The following PROSER2 variants were observed in gnomAD, a reference collection of about 807,000 sequenced individuals.
The protein encoded by PROSER2 is proline and serine-rich protein 2.
A neutral mutation model predicts 14.6 loss-of-function variants in PROSER2; 18 were observed. The observed-to-expected ratio is 1.23, with a 90% CI of 0.85 to 1.83. PROSER2 has a LOEUF of 1.83. Among genes scored for constraint, PROSER2 ranks in the 40% most tolerant of loss-of-function variants. The pLI is 0.00. For synonymous variants in PROSER2, 367 were observed against 286.4 expected, an observed-to-expected ratio of 1.28 and a Z score of -2.84; for missense variants, 823 against 629.8, an observed-to-expected ratio of 1.31 and a Z score of -3.28.
intron 1 of PROSER2, among the ~76,000 whole-genome samples, chr10:11,829,758 C>T (rs1833666200): frequency 6.6e-6 from 1 of 150,990 alleles, no homozygotes. Context: ...AGCAGTATCA[C>T]TTTAAGAATG....
intron 2 of PROSER2, among the ~76,000 whole-genome samples, chr10:11,860,500 C>T (rs572490451): frequency 1.4e-4 from 22 of 151,914 alleles, no homozygotes; most frequent in African/African-American, 5.1e-4. Context: ...CCTGTAATCC[C>T]AGCTACTCCG....
In PROSER2 at chr10:11,830,870, C is replaced by T. The variant is rs574391036; in HGVS notation, c.-82+7400C>T. On this transcript the variant is annotated intron_variant, in intron 1 of 3. Coordinates refer to ENST00000277570, the MANE Select transcript of PROSER2 (RefSeq NM_153256.4). The surrounding 1 kb of genome is among the most constrained non-coding windows in gnomAD (Gnocchi z 4.5). ...ACTTGAGGAATTTGCTAGCAGGTTC[C>T]CCAGAGGTATAGGAAGAGCGGGAGG... 6.6e-6 allele frequency among the ~76,000 whole-genome samples: 1 copy of T among 152,256 alleles called. No individual in the cohort carries two copies. Among genetic ancestry groups the T allele is most frequent in the Non-Finnish European group, 1.5e-5 (1 of 68,020 alleles).
At chr10:11,849,540 T>C (rs142633316) in intron 1 of PROSER2, 10 of 152,310 alleles carry the variant, frequency 6.6e-5, no homozygotes, top group African/African-American at 2.4e-4. Flanking sequence ...GGTAGGAAAA[T>C]AGTAAGCATC....
At chr10:11,860,970 G>GT (rs1162546446) in intron 2 of PROSER2, among the ~76,000 whole-genome samples, 2 of 152,284 alleles carry the variant, frequency 1.3e-5, no homozygotes, top group Admixed American at 6.5e-5. Context: ...ACCGGGCGTG[G>GT]TGGCGTGCAC....
chr10:11,846,015 C>G (rs1215520792), intron 1 of PROSER2, among the ~76,000 whole-genome samples: 1 of 152,152 alleles, frequency 6.6e-6, no homozygotes, highest in Non-Finnish European at 1.5e-5. Context: ...GAGATGGAGT[C>G]TCACTCTGTT....
chr10:11,868,615 AAG>A (rs1279224588), intron 3 of PROSER2, among the ~76,000 whole-genome samples: 1 of 151,550 alleles, frequency 6.6e-6, no homozygotes. Flanking sequence ...AGAACATAAA[AAG>A]ATATGAATTT....
In PROSER2 at chr10:11,870,508, G is replaced by A; in HGVS notation, c.*102G>A. The A allele has an allele frequency of 1.9e-6, 2 of 1,052,930 alleles. No homozygotes were observed. Among genetic ancestry groups the A allele is most frequent in the South Asian group, 2.0e-5 (1 of 48,974 alleles). 65.2% of individuals were successfully genotyped at this position (1,052,930 alleles called of 1,614,324 possible). ...TGTTTGGTCTAAAATGGAAGTGACA[G>A]CGGGAGCCCCTGCCCTCTGTGGCAC... On this transcript the variant is annotated 3_prime_UTR_variant, in exon 4 of 4. Coordinates refer to ENST00000277570, the MANE Select transcript of PROSER2 (RefSeq NM_153256.4).
chr10:11,849,032 C>T (rs1833971750), intron 1 of PROSER2, among the ~76,000 whole-genome samples: 1 of 152,006 alleles, frequency 6.6e-6, no homozygotes, highest in Non-Finnish European at 1.5e-5. Flanking sequence ...ACTAAAAATA[C>T]AAAAATTAGC....
At chr10:11,860,721 T>C (rs770982451) in intron 2 of PROSER2, among the ~76,000 whole-genome samples, 2 of 152,152 alleles carry the variant, frequency 1.3e-5, no homozygotes, top group Non-Finnish European at 2.9e-5. Context: ...GGATGAAATG[T>C]ATGAGGCCTG....
chr10:11,832,672 A>AT (rs1489275051), intron 1 of PROSER2, among the ~76,000 whole-genome samples: 1 of 152,198 alleles, frequency 6.6e-6, no homozygotes, highest in Non-Finnish European at 1.5e-5. Flanking sequence ...ATTGGATGAG[A>AT]TTAATTTCTC....
chr10:11,870,274 C>G lies in PROSER2; in HGVS notation c.1176C>G (p.Ala392=), dbSNP rs1367348412. The G allele has an allele frequency of 1.3e-6, 2 of 1,491,362 alleles. No homozygotes were observed. Among genetic ancestry groups the G allele is most frequent in the African/African-American group, 1.5e-5 (1 of 68,292 alleles). The allele number at this position is 1,491,362 out of a possible 1,614,324, so 92.4% of individuals were successfully genotyped here. Residue 392 remains alanine (A), a synonymous_variant, in exon 4 of 4, where the codon GCC becomes GCG. Transcript: ENST00000277570. ...SFPGPRQPNG[A]QDWRRADSLP... ...CCGGGCCCCGGCAGCCCAACGGCGC[C>G]CAGGACTGGCGCCGCGCAGACTCCC...
intron 1 of PROSER2, among the ~76,000 whole-genome samples, chr10:11,843,353 G>T (rs1833877330): frequency 6.7e-6 from 1 of 150,296 alleles, no homozygotes; most frequent in Non-Finnish European, 1.5e-5. Flanking sequence ...AGGAGTTCAA[G>T]ACCAGCCTGG....
intron 2 of PROSER2, among the ~76,000 whole-genome samples, chr10:11,854,641 T>C (rs2131074849): frequency 6.6e-6 from 1 of 150,608 alleles, no homozygotes; most frequent in East Asian, 1.9e-4. Flanking sequence ...TTTTGCAACC[T>C]CTGCCTCCTG....
chr10:11,857,939 T>C (rs78758365), intron 2 of PROSER2, among the ~76,000 whole-genome samples: 14,687 of 151,928 alleles, frequency 0.097, 872 homozygotes, highest in Non-Finnish European at 0.13. Flanking sequence ...AAATTTCTTT[T>C]TTTTTCCCCC....
chr10:11,836,073 C>T lies in PROSER2; in HGVS notation c.-82+12603C>T, dbSNP rs1172964393. ...TAGAGACAGAGTCTCACTCTGTCGC[C>T]CAGGCTGCAGTGCAGTGGCACGATC... On this transcript the variant is annotated intron_variant, in intron 1 of 3. Coordinates refer to ENST00000277570, the MANE Select transcript of PROSER2 (RefSeq NM_153256.4). This position sits in a 1 kb window ranked among gnomAD's most constrained non-coding sequence, Gnocchi z 4.6. Among the ~76,000 whole-genome samples, 1 of 152,140 alleles carries T rather than the reference C, an allele frequency of 6.6e-6. No individual in the cohort carries two copies. Among genetic ancestry groups the T allele is most frequent in the African/African-American group, 2.4e-5 (1 of 41,440 alleles).
chr10:11,861,611 C>G (rs1275608867), intron 2 of PROSER2, among the ~76,000 whole-genome samples: 1 of 152,184 alleles, frequency 6.6e-6, no homozygotes, highest in Non-Finnish European at 1.5e-5. Flanking sequence ...CAGTGATGGA[C>G]TTGAGCAGGG....
intron 2 of PROSER2, chr10:11,863,025 T>C (rs963910553): frequency 6.6e-6 from 1 of 152,194 alleles, no homozygotes; most frequent in Non-Finnish European, 1.5e-5. Flanking sequence ...CGATTGTGCA[T>C]AGGTTTATAT....
At position 11,869,497 on chromosome 10, in the gene PROSER2, A is replaced by C; in HGVS notation, c.399A>C (p.Ala133=). The part of the protein sequence containing the change: ...LPEGTQAAGP[A]PAGKEHRKQD... ...TCCTCCCTTGTCTTCCAGGGCCTGC[A>C]CCTGCTGGGAAGGAGCACAGGAAAC... is the stretch of plus-strand genomic sequence containing the variant. The change falls in exon 4 of 4, where the codon GCA becomes GCC. Residue 133 remains alanine, a synonymous_variant. Coordinates refer to ENST00000277570, the MANE Select transcript of PROSER2 (RefSeq NM_153256.4). The surrounding 1 kb of genome is among the most constrained non-coding windows in gnomAD (Gnocchi z 4.4). 6.2e-7 allele frequency: 1 copy of C among 1,612,812 alleles called. No homozygotes were observed. Among genetic ancestry groups the C allele is most frequent in the Non-Finnish European group, 8.5e-7 (1 of 1,179,168 alleles).
chr10:11,845,079 C>T (rs927106423), intron 1 of PROSER2, among the ~76,000 whole-genome samples: 5 of 152,024 alleles, frequency 3.3e-5, no homozygotes, highest in South Asian at 2.1e-4. Context: ...AAAGTAATCA[C>T]GACTTTTGCC....
Sources: gnomAD v4.1 joint callset for allele counts (sites outside exome capture counted in the v4.1 genomes callset) on GRCh38, gnomAD v4.1.1 for gene constraint, Gnocchi (gnomAD v3.1) non-coding constraint, MANE v1.5 for transcripts, NCBI Gene and HGNC (gene_info 2026-07-23, HGNC 2026-07-21) for gene names.